The following BICC1 variants were observed in gnomAD, a reference collection of about 807,000 sequenced individuals.
The protein encoded by BICC1 is BicC family RNA binding protein 1, also known as protein bicaudal C homolog 1.
BICC1 carries 43 observed loss-of-function variants against 111.0 expected under a neutral mutation model. That is an observed-to-expected ratio of 0.39 (90% CI 0.30 to 0.50). BICC1 has a LOEUF of 0.50. Ranked by LOEUF, BICC1 falls within the 20% of genes least tolerant of loss-of-function variation. The pLI, the probability that BICC1 is intolerant of heterozygous loss-of-function variation, is 0.88. For synonymous variants in BICC1, 467 were observed against 434.4 expected (o/e 1.07, Z -0.93); for missense variants, 1,091 against 1,203.2 (o/e 0.91, Z 1.38).
chr10:58,658,208 G>A (rs1828206401), intron 2 of BICC1, among the ~76,000 whole-genome samples: 1 of 151,986 alleles, frequency 6.6e-6, no homozygotes, highest in African/African-American at 2.4e-5. Flanking sequence ...TTTTTTTTGA[G>A]ACAGAGTCTC....
chr10:58,786,261 A>G (rs1843008192), intron 4 of BICC1, among the ~76,000 whole-genome samples: 1 of 152,128 alleles, frequency 6.6e-6, no homozygotes, highest in Non-Finnish European at 1.5e-5. Context: ...CAGCATTTTT[A>G]TTTATTATGT....
chr10:58,706,442 A>G lies in BICC1; in HGVS notation c.307+4299A>G, dbSNP rs542228424. Among the ~76,000 whole-genome samples the G allele has an allele frequency of 9.2e-5, 14 of 152,338 alleles. No individual in the cohort carries two copies. In the South Asian group the frequency reaches 2.1e-3, roughly 23 times the overall value. Reference sequence around the variant, plus strand: ...TAAGTTTGTTTTCTTAAACAAGGTAAACATTTTTCTCACAGTCTTCTTTTG... The same window carrying G: ...TAAGTTTGTTTTCTTAAACAAGGTAGACATTTTTCTCACAGTCTTCTTTTG... On this transcript the variant is annotated intron_variant, in intron 3 of 20. Transcript: ENST00000373886.
At chr10:58,768,725 C>G (rs1230867507) in intron 3 of BICC1, among the ~76,000 whole-genome samples, 2 of 151,726 alleles carry the variant, frequency 1.3e-5, no homozygotes, top group Non-Finnish European at 2.9e-5. Context: ...GTAGAGTTAC[C>G]AGCTTCAAAT....
chr10:58,747,206 C>T (rs1841859644), intron 3 of BICC1, among the ~76,000 whole-genome samples: 2 of 152,144 alleles, frequency 1.3e-5, no homozygotes, highest in South Asian at 2.1e-4. Flanking sequence ...TTAGCTTCAG[C>T]TCCAGGGTGC....
At chr10:58,569,467 A>G (rs558289570) in intron 1 of BICC1, among the ~76,000 whole-genome samples, 3 of 152,232 alleles carry the variant, frequency 2.0e-5, no homozygotes, top group East Asian at 3.9e-4. Context: ...AGGTATACAC[A>G]TGACATGGTG....
At chr10:58,524,568 G>T (rs1842479278) in intron 1 of BICC1, among the ~76,000 whole-genome samples, 1 of 152,190 alleles carries the variant, frequency 6.6e-6, no homozygotes, top group African/African-American at 2.4e-5. Context: ...ATTCAAGATT[G>T]ATTAAAGACT....
At chr10:58,799,587 A>G (rs1167565181) in intron 12 of BICC1, among the ~76,000 whole-genome samples, 1 of 152,134 alleles carries the variant, frequency 6.6e-6, no homozygotes, top group Non-Finnish European at 1.5e-5. Context: ...TCCCAGCGCC[A>G]GTTATTGAAC....
intron 1 of BICC1, among the ~76,000 whole-genome samples, chr10:58,571,268 T>G (rs1843941272): frequency 6.6e-6 from 1 of 152,194 alleles, no homozygotes; most frequent in Non-Finnish European, 1.5e-5. Context: ...TGGAAGAGGC[T>G]TAAATACTTT....
At chr10:58,752,091 A>T (rs1029944981) in intron 3 of BICC1, among the ~76,000 whole-genome samples, 1 of 152,160 alleles carries the variant, frequency 6.6e-6, no homozygotes, top group East Asian at 1.9e-4. Context: ...CATTTTTAAA[A>T]TATCTCTTCA....
intron 3 of BICC1, among the ~76,000 whole-genome samples, chr10:58,728,962 A>G (rs187086062): frequency 9.8e-5 from 15 of 152,314 alleles, no homozygotes; most frequent in Middle Eastern, 6.8e-3. Context: ...CTGCAAACAC[A>G]TGTGCTGTCA....
At chr10:58,553,466 T>G (rs377249959) in intron 1 of BICC1, among the ~76,000 whole-genome samples, 244 of 152,268 alleles carry the variant, frequency 1.6e-3, no homozygotes, top group Admixed American at 5.2e-3. Flanking sequence ...CTCTAGAGTT[T>G]CCAGTAGGAT....
At chr10:58,588,323 A>G (rs191726449) in intron 1 of BICC1, among the ~76,000 whole-genome samples, 5 of 152,284 alleles carry the variant, frequency 3.3e-5, no homozygotes, top group East Asian at 1.9e-4. Flanking sequence ...TGGTAAGTAG[A>G]TGATACATCT....
At chr10:58,684,545 A>T (rs981370976) in intron 2 of BICC1, among the ~76,000 whole-genome samples, 1 of 152,182 alleles carries the variant, frequency 6.6e-6, no homozygotes, top group Non-Finnish European at 1.5e-5. Context: ...TATTGCCTCA[A>T]TTTCAGAGCC....
intron 1 of BICC1, among the ~76,000 whole-genome samples, chr10:58,536,085 A>G (rs748785330): frequency 1.3e-5 from 2 of 151,758 alleles, no homozygotes; most frequent in Non-Finnish European, 3.0e-5. Context: ...TAAAGCAACT[A>G]CCACTAGACC....
intron 3 of BICC1, among the ~76,000 whole-genome samples, chr10:58,741,070 G>A: frequency 6.6e-6 from 1 of 152,168 alleles, no homozygotes; most frequent in Non-Finnish European, 1.5e-5. Flanking sequence ...AATTGAGACG[G>A]GCCTGTGTCC....
At chr10:58,623,571 C>T (rs562983817) in intron 2 of BICC1, among the ~76,000 whole-genome samples, 2 of 152,182 alleles carry the variant, frequency 1.3e-5, no homozygotes, top group Non-Finnish European at 2.9e-5. Flanking sequence ...CAGAGTCATT[C>T]GTTGTCCTCT....
rs186339627 is a variant in BICC1 at position 58,705,540 on chromosome 10, C to A, written c.307+3397C>A. Among the ~76,000 whole-genome samples the A allele has an allele frequency of 1.4e-3, 211 of 152,246 alleles. 1 individual carries two copies. Among genetic ancestry groups the A allele is most frequent in the African/African-American group, 4.8e-3 (201 of 41,556 alleles). On this transcript the variant is annotated intron_variant, in intron 3 of 20. Transcript: ENST00000373886. Reference sequence around the variant, plus strand: ...TCCTCCTCCCTTTCTTATCATCTCACTTTTCTTTCTTACCTTTCACTCCAC... The same window carrying A: ...TCCTCCTCCCTTTCTTATCATCTCAATTTTCTTTCTTACCTTTCACTCCAC...
At chr10:58,783,491 C>T (rs1842933767) in intron 3 of BICC1, among the ~76,000 whole-genome samples, 1 of 151,590 alleles carries the variant, frequency 6.6e-6, no homozygotes, top group African/African-American at 2.4e-5. Flanking sequence ...TGGGAGATCA[C>T]AGTGTCAGGG....
At chr10:58,642,061 G>T (rs748457837) in intron 2 of BICC1, among the ~76,000 whole-genome samples, 2 of 152,164 alleles carry the variant, frequency 1.3e-5, no homozygotes, top group Non-Finnish European at 2.9e-5. Context: ...TAGTAAAACT[G>T]GAATAGCCAG....
Sources: gnomAD v4.1 joint callset for allele counts (sites outside exome capture counted in the v4.1 genomes callset) on GRCh38, gnomAD v4.1.1 for gene constraint, MANE v1.5 for transcripts, NCBI Gene and HGNC (gene_info 2026-07-23, HGNC 2026-07-21) for gene names.